Variants in SLC20A1 observed in about 807,000 individuals in gnomAD.
The protein encoded by SLC20A1 is sodium-dependent phosphate transporter 1.
SLC20A1 carries 28 observed loss-of-function variants against 62.7 expected under a neutral mutation model. The observed-to-expected ratio is 0.45, with a 90% confidence interval of 0.33 to 0.61. The LOEUF (loss-of-function observed/expected upper bound fraction) is 0.61, where lower values mean the gene tolerates loss of function less well. Among genes scored for constraint, SLC20A1 ranks in the 20% least tolerant of loss-of-function variants. SLC20A1 has a pLI of 0.02. For synonymous variants in SLC20A1, 305 were observed against 302.9 expected (o/e 1.01, Z -0.07); for missense variants, 673 against 838.6 (o/e 0.80, Z 2.44).
intron 4 of SLC20A1, 68 bp downstream of exon 4, chr2:112,647,806 C>T: frequency 1.6e-6 from 2 of 1,275,444 alleles, no homozygotes; most frequent in South Asian, 2.4e-5. Context: ...CCCAGTGGTA[C>T]TTTTGCAGAT....
Position 112,663,243 on chromosome 2 carries a change from G to T in SLC20A1, c.*218G>T, listed in dbSNP as rs1171582437. 3.3e-5 allele frequency: 21 copies of T among 627,956 alleles called. No individual in the cohort carries two copies. Among genetic ancestry groups the T allele is most frequent in the Non-Finnish European group, 5.7e-5 (19 of 330,922 alleles). The allele number at this position is 627,956 out of a possible 1,614,324, so 38.9% of individuals were successfully genotyped here. On this transcript the variant is annotated 3_prime_UTR_variant, in exon 11 of 11. Transcript: ENST00000272542. ...AATAGCCCGGGTTCCACTGGCTCCT[G>T]CTGAGGTCCCCTTTCCTTCTGGGCT...
At chr2:112,658,460 C>G (rs897435835) in intron 6 of SLC20A1, 20 of 172,662 alleles carry the variant, frequency 1.2e-4, no homozygotes, top group Non-Finnish European at 2.2e-4. Flanking sequence ...GCTTATCAGC[C>G]CCATGGTTGA....
chr2:112,648,950 C>G (rs1033160178), intron 4 of SLC20A1, among the ~76,000 whole-genome samples: 1 of 152,176 alleles, frequency 6.6e-6, no homozygotes, highest in Non-Finnish European at 1.5e-5. Flanking sequence ...AACTGTATAT[C>G]TTGCTACTTA....
Position 112,659,514 on chromosome 2 carries a change from A to G in SLC20A1, c.1359A>G (p.Ala453=), listed in dbSNP as rs1309272388. The G allele has an allele frequency of 4.3e-6, 7 of 1,614,256 alleles. No individual in the cohort carries two copies. Among genetic ancestry groups the G allele is most frequent in the Non-Finnish European group, 4.2e-6 (5 of 1,180,048 alleles). ...EEMEKLTWPN[A]DSKKRIRMDS... The stretch of plus-strand genomic sequence containing the variant: ...TGGAGAAGCTGACATGGCCTAATGC[A>G]GACTCCAAGAAGCGAATTCGAATGG... The change falls in exon 8 of 11, where the codon GCA becomes GCG. Residue 453 remains alanine, a synonymous_variant. Coordinates refer to ENST00000272542, the MANE Select transcript of SLC20A1 (RefSeq NM_005415.5).
chr2:112,655,357 A>G (rs1367442699), intron 5 of SLC20A1, among the ~76,000 whole-genome samples: 2 of 151,980 alleles, frequency 1.3e-5, no homozygotes, highest in African/African-American at 2.4e-5. Context: ...TCATGGTTCA[A>G]CCTTCAGTTA....
intron 10 of SLC20A1, among the ~76,000 whole-genome samples, chr2:112,662,529 A>G (rs13023311): frequency 0.79 from 120,472 of 152,188 alleles, 48,425 homozygotes; most frequent in East Asian, 1. Context: ...GCAGTGAGCC[A>G]AGATTGCGCC....
chr2:112,653,023 CTT>C, intron 5 of SLC20A1: 1 of 1,067,038 alleles, frequency 9.4e-7, no homozygotes, highest in Non-Finnish European at 1.4e-6. Flanking sequence ...GACCTTTCCT[CTT>C]TAGTCTTCAC....
At position 112,651,316 on chromosome 2, in the gene SLC20A1, A is replaced by G. The variant is rs1245160336; in HGVS notation, c.562-1386A>G. Among the ~76,000 whole-genome samples the G allele has an allele frequency of 4.7e-4, 71 of 152,260 alleles. 1 individual carries two copies. Among genetic ancestry groups the G allele is most frequent in the Non-Finnish European group, 2.9e-5 (2 of 68,024 alleles). On this transcript the variant is annotated intron_variant, in intron 4 of 10. Transcript: ENST00000272542. Reference sequence around the variant, plus strand: ...TTCCTCCCCAAGATTTTCCACTGGAATTGTGATCAAGATAACATTAAACCT... The same window carrying G: ...TTCCTCCCCAAGATTTTCCACTGGAGTTGTGATCAAGATAACATTAAACCT...
At position 112,647,073 on chromosome 2, in the gene SLC20A1, G is replaced by T; in HGVS notation, c.245G>T (p.Ser82Ile). 6.2e-7 allele frequency: 1 copy of T among 1,614,198 alleles called. No homozygotes were observed. Among genetic ancestry groups the T allele is most frequent in the Non-Finnish European group, 8.5e-7 (1 of 1,180,036 alleles). Residue 82 changes from serine (S) to isoleucine (I), a missense_variant, in exon 2 of 11, where the codon AGC (serine) becomes ATC (isoleucine). By Grantham distance (142) the Ser-to-Ile change is moderately radical. Coordinates refer to ENST00000272542, the MANE Select transcript of SLC20A1 (RefSeq NM_005415.5). ...VGSVLLGAKVSETIRKGLIDV... is the reference protein window; with the variant it reads ...VGSVLLGAKVIETIRKGLIDV... ...TCTGTCTTACTGGGGGCCAAAGTGA[G>T]CGAAACCATCCGGAAGGGCTTGATT... is the stretch of plus-strand genomic sequence containing the variant.
chr2:112,651,699 C>T (rs1027041372), intron 4 of SLC20A1, among the ~76,000 whole-genome samples: 4 of 152,208 alleles, frequency 2.6e-5, no homozygotes, highest in Admixed American at 6.5e-5. Flanking sequence ...AGCCACCGCG[C>T]CCAGCCTCCT....
chr2:112,660,870 A>G (rs1194533783), intron 9 of SLC20A1: 1 of 493,134 alleles, frequency 2.0e-6, no homozygotes, highest in Middle Eastern at 5.3e-4. Context: ...CTAAGACTCA[A>G]TGTTTACCAA....
intron 4 of SLC20A1, 85 bp downstream of exon 4, chr2:112,647,823 G>A: frequency 9.3e-7 from 1 of 1,073,114 alleles, no homozygotes; most frequent in East Asian, 2.4e-5. Flanking sequence ...AGATGTGATT[G>A]GTGTATAGGT....
intron 4 of SLC20A1, 194 bp from the exon 5 acceptor site, chr2:112,652,508 C>T: frequency 1.1e-5 from 6 of 570,430 alleles, no homozygotes; most frequent in South Asian, 9.0e-5. Context: ...GAAAAAAAAA[C>T]AGGTAGAAGT....
At chr2:112,646,472 A>T (rs1023024918) in intron 1 of SLC20A1, 91 bp from the exon 2 acceptor site, 1 of 152,310 alleles carries the variant, frequency 6.6e-6, no homozygotes, top group Non-Finnish European at 1.5e-5. Context: ...GGCAGAGGCT[A>T]TTGCGGGACC....
chr2:112,660,625 T>G (rs1483884476), intron 9 of SLC20A1, 53 bp downstream of exon 9: 5 of 1,484,488 alleles, frequency 3.4e-6, no homozygotes, highest in African/African-American at 1.4e-5. Flanking sequence ...TTTTCAGAGA[T>G]ATAACACTGT....
rs534352386 is a variant in SLC20A1, at chr2:112,647,022, T to A, written c.194T>A (p.Leu65Gln). Residue 65 changes from leucine to glutamine, a missense_variant, in exon 2 of 11, where the codon CTA becomes CAA. By Grantham distance (113) the Leu-to-Gln change is moderately radical. Transcript: ENST00000272542. ...GTGACCCTGAAGCAAGCCTGCATCCTAGCTAGCATCTTTGAAACAGTGGGC... is the reference window on the plus strand; with the variant it reads ...GTGACCCTGAAGCAAGCCTGCATCCAAGCTAGCATCTTTGAAACAGTGGGC... ...GVVTLKQACI[L>Q]ASIFETVGSV... 1 of 1,614,180 alleles carries A rather than the reference T, an allele frequency of 6.2e-7. No individual in the cohort carries two copies. Among genetic ancestry groups the A allele is most frequent in the African/African-American group, 1.3e-5 (1 of 75,032 alleles).
chr2:112,661,028 T>G, intron 9 of SLC20A1, 114 bp from the exon 10 acceptor site: 1 of 688,428 alleles, frequency 1.5e-6, no homozygotes, highest in Non-Finnish European at 2.6e-6. Context: ...AAGATGTCAG[T>G]GGAGGTTTTG....
intron 9 of SLC20A1, 169 bp from the exon 10 acceptor site, chr2:112,660,973 G>A: frequency 2.0e-6 from 1 of 509,404 alleles, no homozygotes; most frequent in Non-Finnish European, 3.5e-6. Context: ...CTGGGCATCT[G>A]TGGCCTGATT....
rs1462466706 is a variant in SLC20A1, at chr2:112,646,732, T to A, written c.-97T>A. The stretch of plus-strand genomic sequence containing the variant: ...ACAGTATTTAATTTTATATAATATA[T>A]ATTATTTATTATAGCATTTTTGATA... On this transcript the variant is annotated 5_prime_UTR_variant, in exon 2 of 11. Transcript: ENST00000272542. The A allele has an allele frequency of 1.8e-6, 1 of 562,546 alleles. No homozygotes were observed. The highest frequency in any genetic ancestry group is 1.9e-5 in the African/African-American group (1 of 53,350). The allele number at this position is 562,546 out of a possible 1,614,324, so 34.8% of individuals were successfully genotyped here.
Sources: allele counts gnomAD v4.1 joint callset (sites outside exome capture counted in the v4.1 genomes callset), GRCh38; gene constraint gnomAD v4.1.1; transcripts MANE v1.5; gene names NCBI Gene and HGNC (gene_info 2026-07-23, HGNC 2026-07-21).